The following PKHD1 variants were observed in gnomAD, a reference collection of about 807,000 sequenced individuals.
PKHD1 encodes PKHD1 ciliary IPT domain containing fibrocystin/polyductin.
A neutral mutation model predicts 412.0 loss-of-function variants in PKHD1; 291 were observed. That is an observed-to-expected ratio of 0.71 (90% CI 0.64 to 0.78). PKHD1 has a LOEUF of 0.78. Ranked by LOEUF, PKHD1 falls within the 30% of genes least tolerant of loss-of-function variation. The probability of loss-of-function intolerance (pLI) is 0.00; values close to 1 mark genes in which losing one functional copy is unlikely to be tolerated. For missense variants in PKHD1, 4,825 were observed against 4,950.7 expected (o/e 0.97, Z 0.76); for synonymous variants, 1,777 against 1,821.5 (o/e 0.98, Z 0.62).
intron 60 of PKHD1, chr6:51,740,005 C>T (rs1321851990): frequency 3.9e-6 from 2 of 518,866 alleles, no homozygotes; most frequent in African/African-American, 1.9e-5. Flanking sequence ...ACATTAATTT[C>T]AATGCTTTGT....
chr6:51,657,657 T>C (rs906144325), intron 61 of PKHD1, among the ~76,000 whole-genome samples: 1 of 152,116 alleles, frequency 6.6e-6, no homozygotes, highest in Non-Finnish European at 1.5e-5. Context: ...AAAAGTGATC[T>C]TTTCTCTGAA....
At chr6:51,989,881 A>AAG (rs1796666407) in intron 35 of PKHD1, among the ~76,000 whole-genome samples, 1 of 80,484 alleles carries the variant, frequency 1.2e-5, no homozygotes, top group Non-Finnish European at 2.5e-5. Context: ...ACAAGGGAGA[A>AAG]AAGGAAGGAA....
In PKHD1 at chr6:52,035,615, T is replaced by G; in HGVS notation, c.3204A>C (p.Arg1068Ser). ...AINVATSNSS[R>S]IQCKVPPRGK... ...CCCTGGGTGGAACTTTGCACTGAAT[T>G]CTGCTTGAATTGCTTGTAGCGACAT... Residue 1068 changes from arginine (R) to serine (S), a missense_variant, in exon 28 of 67, where the codon AGA becomes AGC. Coordinates refer to ENST00000371117, the MANE Select transcript of PKHD1 (RefSeq NM_138694.4). 1 of 1,614,022 alleles carries G rather than the reference T, an allele frequency of 6.2e-7. No individual in the cohort carries two copies. Among genetic ancestry groups the G allele is most frequent in the Non-Finnish European group, 8.5e-7 (1 of 1,179,928 alleles).
intron 36 of PKHD1, among the ~76,000 whole-genome samples, chr6:51,938,998 G>T (rs557154593): frequency 6.6e-6 from 1 of 151,486 alleles, no homozygotes; most frequent in Non-Finnish European, 1.5e-5. Flanking sequence ...AAACTCTGGC[G>T]CCAGTCACGG....
chr6:52,001,604 T>G (rs1321721073), intron 35 of PKHD1, among the ~76,000 whole-genome samples: 1 of 152,052 alleles, frequency 6.6e-6, no homozygotes, highest in African/African-American at 2.4e-5. Flanking sequence ...TAATTTTTTT[T>G]GTATTTTTAG....
chr6:51,710,814 G>C (rs995155258), intron 60 of PKHD1, among the ~76,000 whole-genome samples: 1 of 152,174 alleles, frequency 6.6e-6, no homozygotes, highest in Non-Finnish European at 1.5e-5. Flanking sequence ...TGAGAAGACT[G>C]AGGCTAGGAG....
intron 60 of PKHD1, among the ~76,000 whole-genome samples, chr6:51,661,296 G>A (rs1162144215): frequency 6.6e-6 from 1 of 152,040 alleles, no homozygotes; most frequent in African/African-American, 2.4e-5. Flanking sequence ...GATTTAGATA[G>A]ATATAGATAT....
intron 60 of PKHD1, among the ~76,000 whole-genome samples, chr6:51,686,488 C>T (rs1562100558): frequency 6.6e-6 from 1 of 152,200 alleles, no homozygotes; most frequent in Non-Finnish European, 1.5e-5. Flanking sequence ...ACCCTCTTCT[C>T]TGTCTCCTTC....
chr6:51,917,488 T>C (rs1377938382), intron 37 of PKHD1, among the ~76,000 whole-genome samples: 4 of 151,980 alleles, frequency 2.6e-5, no homozygotes, highest in Non-Finnish European at 5.9e-5. Context: ...AAATCAGAAG[T>C]GCACTGTGCA....
chr6:51,868,649 A>G (rs1775468393), intron 47 of PKHD1, among the ~76,000 whole-genome samples: 1 of 152,192 alleles, frequency 6.6e-6, no homozygotes, highest in Non-Finnish European at 1.5e-5. Context: ...CAAAGATGCT[A>G]TGGTTTAGTC....
intron 28 of PKHD1, 107 bp downstream of exon 28, chr6:52,035,484 G>T: frequency 9.0e-7 from 1 of 1,108,806 alleles, no homozygotes; most frequent in African/African-American, 1.5e-5. Flanking sequence ...ATCATAATGA[G>T]AAGTTTACAT....
chr6:51,695,735 T>C (rs1562118163), intron 60 of PKHD1, among the ~76,000 whole-genome samples: 1 of 152,232 alleles, frequency 6.6e-6, no homozygotes. Context: ...TGGATATATG[T>C]GAATATCTCT....
At chr6:51,982,212 G>A (rs1795487453) in intron 35 of PKHD1, among the ~76,000 whole-genome samples, 2 of 31,718 alleles carry the variant, frequency 6.3e-5, no homozygotes, top group South Asian at 1.1e-3. Flanking sequence ...CGCCCGGCCA[G>A]CCGCCCCATC....
At chr6:51,770,536 T>G (rs865778748) in intron 55 of PKHD1, among the ~76,000 whole-genome samples, 1 of 151,948 alleles carries the variant, frequency 6.6e-6, no homozygotes, top group Non-Finnish European at 1.5e-5. Context: ...TTAACAAATA[T>G]TTTGTTTCTG....
In PKHD1 at chr6:52,066,060, G is replaced by C. The variant is rs1809646679; in HGVS notation, c.796C>G (p.Pro266Ala). The C allele has an allele frequency of 6.5e-7, 1 of 1,536,418 alleles. No individual in the cohort carries two copies. The highest frequency in any genetic ancestry group is 9.0e-7 in the Non-Finnish European group (1 of 1,116,324). The change falls in exon 12 of 67, where the codon CCA becomes GCA. Residue 266 changes from proline to alanine, a missense_variant. Coordinates refer to ENST00000371117, the MANE Select transcript of PKHD1 (RefSeq NM_138694.4). ...QTHSEILSVFPETGSLGGRTN... is the reference protein window; with the variant it reads ...QTHSEILSVFAETGSLGGRTN... ...CTTCCCCCAAGGCTCCCAGTTTCTG[G>C]AAACACAGATAATATTTCTGCAAGA...
intron 36 of PKHD1, among the ~76,000 whole-genome samples, chr6:51,950,022 G>T (rs958274598): frequency 2.6e-5 from 4 of 151,388 alleles, no homozygotes; most frequent in African/African-American, 9.7e-5. Flanking sequence ...TGCAATACTT[G>T]CCAGAATCAC....
At chr6:51,834,469 G>T (rs1168137983) in intron 51 of PKHD1, among the ~76,000 whole-genome samples, 2 of 151,632 alleles carry the variant, frequency 1.3e-5, no homozygotes, top group Non-Finnish European at 2.9e-5. Flanking sequence ...TAGATAGATG[G>T]TTAACTCATT....
intron 37 of PKHD1, among the ~76,000 whole-genome samples, chr6:51,917,277 C>T (rs560071366): frequency 2.6e-5 from 4 of 151,332 alleles, no homozygotes; most frequent in African/African-American, 9.7e-5. Flanking sequence ...AAGGAACTTA[C>T]AAAAAAAACT....
chr6:51,911,900 G>T lies in PKHD1; in HGVS notation c.6389C>A (p.Ala2130Asp). The change falls in exon 39 of 67, where the codon GCC becomes GAC. Residue 2130 changes from alanine to aspartate, a missense_variant. Coordinates refer to ENST00000371117, the MANE Select transcript of PKHD1 (RefSeq NM_138694.4). ...WVAGEHHILKATVALLSRSIT... is the reference protein window; with the variant it reads ...WVAGEHHILKDTVALLSRSIT... ...ACTCCTGCTGAGCAGAGCCACAGTG[G>T]CCTTTAAAATATGGTGCTCTCCAGC... 9 of 1,611,034 alleles carry T rather than the reference G, an allele frequency of 5.6e-6. No individual in the cohort carries two copies. Among genetic ancestry groups the T allele is most frequent in the Non-Finnish European group, 7.6e-6 (9 of 1,177,610 alleles).
Sources: allele counts gnomAD v4.1 joint callset (sites outside exome capture counted in the v4.1 genomes callset), GRCh38; gene constraint gnomAD v4.1.1; transcripts MANE v1.5; gene names NCBI Gene and HGNC (gene_info 2026-07-23, HGNC 2026-07-21).